Variants in RBMS3 observed in about 807,000 individuals in gnomAD.
The protein encoded by RBMS3 is RNA-binding motif, single-stranded-interacting protein 3.
RBMS3 carries 27 observed loss-of-function variants against 66.8 expected under a neutral mutation model. The observed-to-expected ratio is 0.40, with a 90% confidence interval of 0.30 to 0.56. RBMS3 has a LOEUF of 0.56. Among genes scored for constraint, RBMS3 ranks in the 20% least tolerant of loss-of-function variants. RBMS3 has a pLI of 0.40. For missense variants in RBMS3, 513 were observed against 549.5 expected (o/e 0.93, Z 0.66); for synonymous variants, 188 against 183.0 (o/e 1.03, Z -0.22).
chr3:29,793,961 A>G (rs989957582), intron 6 of RBMS3, among the ~76,000 whole-genome samples: 1 of 152,064 alleles, frequency 6.6e-6, no homozygotes, highest in African/African-American at 2.4e-5. Context: ...GTTGGCATAA[A>G]TCTGGTTGGT....
chr3:29,942,889 A>T (rs972453791), intron 11 of RBMS3, among the ~76,000 whole-genome samples: 4 of 149,210 alleles, frequency 2.7e-5, no homozygotes, highest in Non-Finnish European at 5.9e-5. Context: ...ACTATTATTT[A>T]AAAAATTGGA....
intron 6 of RBMS3, among the ~76,000 whole-genome samples, chr3:29,781,846 G>A (rs2056641853): frequency 1.3e-5 from 2 of 152,012 alleles, no homozygotes; most frequent in Admixed American, 1.3e-4. Context: ...GGAGAGGGTT[G>A]AGGCCTGTGA....
intron 1 of RBMS3, among the ~76,000 whole-genome samples, chr3:29,293,300 G>C (rs1054633245): frequency 3.3e-5 from 5 of 151,728 alleles, no homozygotes; most frequent in African/African-American, 9.7e-5. Context: ...ATCTCATTCT[G>C]AGAAGGAAAA....
chr3:29,937,298 T>C (rs1164897675), intron 11 of RBMS3, among the ~76,000 whole-genome samples: 1 of 152,034 alleles, frequency 6.6e-6, no homozygotes, highest in East Asian at 1.9e-4. Flanking sequence ...TGTCTTACAG[T>C]TACCACCTCT....
intron 5 of RBMS3, among the ~76,000 whole-genome samples, chr3:29,746,789 T>C (rs1253876826): frequency 1.3e-5 from 2 of 152,114 alleles, no homozygotes; most frequent in East Asian, 3.8e-4. Context: ...GAGACGGCAG[T>C]CTTGTTGTAT....
In RBMS3 at chr3:29,541,867, A is replaced by G. The variant is rs532788064; in HGVS notation, c.308-45247A>G. Reference sequence around the variant, plus strand: ...CAGCCCTACTGTCTCCTCTGCTTCAATGCCCCTCCTTGGTGTACATGCTTG... The same window carrying G: ...CAGCCCTACTGTCTCCTCTGCTTCAGTGCCCCTCCTTGGTGTACATGCTTG... On this transcript the variant is annotated intron_variant, in intron 3 of 14. Coordinates refer to ENST00000383767, the MANE Select transcript of RBMS3 (RefSeq NM_001003793.3). Among the ~76,000 whole-genome samples, 28 of 151,070 alleles carry G rather than the reference A, an allele frequency of 1.9e-4. No homozygotes were observed. In the South Asian group the frequency reaches 5.8e-3, roughly 31 times the overall value.
chr3:29,691,982 C>G (rs2052045181), intron 4 of RBMS3, among the ~76,000 whole-genome samples: 1 of 53,368 alleles, frequency 1.9e-5, no homozygotes, highest in Non-Finnish European at 4.3e-5. Context: ...TGGAGTATCC[C>G]TCTGTCGCCC....
At chr3:29,351,118 AC>A (rs2036887459) in intron 1 of RBMS3, among the ~76,000 whole-genome samples, 1 of 152,096 alleles carries the variant, frequency 6.6e-6, no homozygotes, top group Non-Finnish European at 1.5e-5. Context: ...CTCTTAAAGC[AC>A]TACCTCATTC....
chr3:29,632,749 C>T (rs1576402886), intron 4 of RBMS3, among the ~76,000 whole-genome samples: 1 of 151,958 alleles, frequency 6.6e-6, no homozygotes, highest in Non-Finnish European at 1.5e-5. Flanking sequence ...ATGTAGAAAA[C>T]TTAATAAGCA....
chr3:29,778,266 G>A (rs746628228), intron 6 of RBMS3, among the ~76,000 whole-genome samples: 1 of 151,660 alleles, frequency 6.6e-6, no homozygotes, highest in Non-Finnish European at 1.5e-5. Context: ...CCTGCTTTCT[G>A]CATATGTGTC....
chr3:29,923,596 AG>A (rs1426542949), intron 10 of RBMS3, among the ~76,000 whole-genome samples: 1 of 152,188 alleles, frequency 6.6e-6, no homozygotes. Flanking sequence ...GAGAAAAGAA[AG>A]GGAGTGCTAG....
rs1041227419 is a variant in RBMS3 at position 30,008,922 on chromosome 3, A to C, written c.*5060A>C. 6.6e-6 allele frequency: 1 copy of C among 152,268 alleles called. No individual in the cohort carries two copies. Among genetic ancestry groups the C allele is most frequent in the Non-Finnish European group, 1.5e-5 (1 of 67,986 alleles). The allele number at this position is 152,268 out of a possible 1,614,324, so 9.4% of individuals were successfully genotyped here. A position where few individuals can be genotyped will look rare whatever the true frequency, so the allele number is the denominator to read the frequency against. ...GACCTTTTATGATGTGAGAGACAAG[A>C]GTTCACCCCAGATTAATTTCTTTTA... is the stretch of plus-strand genomic sequence containing the variant. On this transcript the variant is annotated 3_prime_UTR_variant, in exon 15 of 15. Transcript: ENST00000383767.
chr3:29,661,604 A>C (rs2050554403), intron 4 of RBMS3, among the ~76,000 whole-genome samples: 1 of 152,066 alleles, frequency 6.6e-6, no homozygotes, highest in Non-Finnish European at 1.5e-5. Context: ...ATCCTGCTGA[A>C]TGTATGTCAT....
At chr3:29,497,630 T>C (rs1355956237) in intron 3 of RBMS3, among the ~76,000 whole-genome samples, 2 of 152,198 alleles carry the variant, frequency 1.3e-5, no homozygotes, top group Non-Finnish European at 2.9e-5. Context: ...TAAACACCTT[T>C]ACAAAACCAC....
At chr3:29,773,747 C>T (rs2056313385) in intron 6 of RBMS3, among the ~76,000 whole-genome samples, 1 of 152,106 alleles carries the variant, frequency 6.6e-6, no homozygotes, top group Non-Finnish European at 1.5e-5. Context: ...TGGGAATTTA[C>T]ATCCCCATTC....
At chr3:29,716,644 T>G (rs2053406619) in intron 4 of RBMS3, among the ~76,000 whole-genome samples, 1 of 152,284 alleles carries the variant, frequency 6.6e-6, no homozygotes, top group Non-Finnish European at 1.5e-5. Context: ...TTGTTATATA[T>G]AAGTACAGTA....
chr3:29,569,436 A>T (rs1284651934), intron 3 of RBMS3, among the ~76,000 whole-genome samples: 1 of 152,164 alleles, frequency 6.6e-6, no homozygotes, highest in Non-Finnish European at 1.5e-5. Flanking sequence ...GTTGAAAAAA[A>T]AATTCCACTT....
chr3:29,570,658 A>G (rs922638771), intron 3 of RBMS3, among the ~76,000 whole-genome samples: 2 of 152,126 alleles, frequency 1.3e-5, no homozygotes, highest in Non-Finnish European at 2.9e-5. Flanking sequence ...ACAGGATCTC[A>G]TTCTCTTTTA....
At chr3:29,603,405 G>A (rs1188715854) in intron 4 of RBMS3, among the ~76,000 whole-genome samples, 3 of 151,916 alleles carry the variant, frequency 2.0e-5, no homozygotes, top group African/African-American at 7.2e-5. Flanking sequence ...TTTATAACAA[G>A]GTTGAAACCT....
Sources: gnomAD v4.1 joint callset for allele counts (sites outside exome capture counted in the v4.1 genomes callset) on GRCh38, gnomAD v4.1.1 for gene constraint, MANE v1.5 for transcripts, NCBI Gene and HGNC (gene_info 2026-07-23, HGNC 2026-07-21) for gene names.